The following ATP1A3 variants were observed in gnomAD, a reference collection of about 807,000 sequenced individuals.
The protein encoded by ATP1A3 is sodium/potassium-transporting ATPase subunit alpha-3.
A neutral mutation model predicts 108.8 loss-of-function variants in ATP1A3; 12 were observed. The observed-to-expected ratio is 0.11, with a 90% CI of 0.07 to 0.18. The LOEUF (loss-of-function observed/expected upper bound fraction) is 0.18, where lower values mean the gene tolerates loss of function less well. Among genes scored for constraint, ATP1A3 ranks in the 10% least tolerant of loss-of-function variants. The pLI, the probability that ATP1A3 is intolerant of heterozygous loss-of-function variation, is 1.00. For synonymous variants in ATP1A3, 539 were observed against 564.5 expected (o/e 0.95, Z 0.64); for missense variants, 498 against 1,387.7 (o/e 0.36, Z 10.19).
intron 16 of ATP1A3, 99 bp downstream of exon 16, chr19:41,975,530 T>C (rs1555860737): frequency 2.6e-6 from 4 of 1,532,580 alleles, no homozygotes; most frequent in Non-Finnish European, 1.8e-6. Flanking sequence ...GCCTGTGGTC[T>C]CTGCCACACA....
At chr19:41,973,541 C>A (rs896951042) in intron 16 of ATP1A3, among the ~76,000 whole-genome samples, 17 of 152,146 alleles carry the variant, frequency 1.1e-4, no homozygotes, top group African/African-American at 4.1e-4. Flanking sequence ...CAGGCGTGAG[C>A]CCCCGTGCCT....
Position 41,981,908 on chromosome 19 carries a change from C to T in ATP1A3, c.1192G>A (p.Gly398Arg), listed in dbSNP as rs781808623. 6.2e-7 allele frequency: 1 copy of T among 1,614,232 alleles called. No homozygotes were observed. Among genetic ancestry groups the T allele is most frequent in the Admixed American group, 1.7e-5 (1 of 60,030 alleles). Residue 398 changes from glycine (G) to arginine (R), a missense_variant and splice_region_variant, in exon 9 of 23, where the codon GGG (glycine) becomes AGG (arginine). Around this residue, in one of 9 missense-constraint regions of ATP1A3, gnomAD observed 36 missense variants for 58.7 expected, o/e 0.61. Coordinates refer to ENST00000648268, the MANE Select transcript of ATP1A3 (RefSeq NM_152296.5). This position sits in a 1 kb window ranked among gnomAD's most constrained non-coding sequence, Gnocchi z 5.0. ...HEADTTEDQS[G>R]TSFDKSSHTW... ...GTCCTCACCCGGGGCCTGCGCTCAC[C>T]TGACTGGTCCTCAGTGGTGTCAGCC... is the stretch of plus-strand genomic sequence containing the variant.
At chr19:41,993,434 C>T (rs1481850925) in intron 1 of ATP1A3, 2 of 1,535,418 alleles carry the variant, frequency 1.3e-6, no homozygotes, top group Admixed American at 2.0e-5. Context: ...CCTCCCATGC[C>T]TGCTCCCCTA....
chr19:41,970,604 T>C (rs1264224216), intron 16 of ATP1A3, 62 bp from the exon 17 acceptor site: 5 of 1,164,936 alleles, frequency 4.3e-6, no homozygotes, highest in Non-Finnish European at 1.3e-6. Flanking sequence ...CCTCTGCCCC[T>C]CCTCTGCCCT....
Position 41,967,477 on chromosome 19 carries a change from T to G in ATP1A3, c.2922-137A>C. 1 of 1,201,738 alleles carries G rather than the reference T, an allele frequency of 8.3e-7. No homozygotes were observed. The highest frequency in any genetic ancestry group is 1.6e-5 in the African/African-American group (1 of 64,332). 74.4% of individuals were successfully genotyped at this position (1,201,738 alleles called of 1,614,324 possible). ...AGGTGGAGGGTGCCCTGGGCGGGGC[T>G]GGGGCCTGGGGTCTTCGGAGTAATC... On this transcript the variant is annotated intron_variant, in intron 21 of 22. Transcript: ENST00000648268. The surrounding 1 kb of genome is among the most constrained non-coding windows in gnomAD (Gnocchi z 4.2).
At chr19:41,974,088 T>A (rs1176786460) in intron 16 of ATP1A3, among the ~76,000 whole-genome samples, 1 of 151,888 alleles carries the variant, frequency 6.6e-6, no homozygotes, top group Admixed American at 6.6e-5. Context: ...AAAATTAGCC[T>A]GGTGTGGTGG....
Position 41,988,688 on chromosome 19 carries a change from G to T in ATP1A3, c.7-126C>A. ...CCGGTGCCCCTGCATCTCTGGGTGG[G>T]GGGTCTCTGTCTGCCTCTCGGGGTC... is the stretch of plus-strand genomic sequence containing the variant. On this transcript the variant is annotated intron_variant, in intron 1 of 22. Transcript: ENST00000648268. This position sits in a 1 kb window ranked among gnomAD's most constrained non-coding sequence, Gnocchi z 5.3. 1.3e-6 allele frequency: 2 copies of T among 1,577,730 alleles called. No homozygotes were observed. Among genetic ancestry groups the T allele is most frequent in the Non-Finnish European group, 1.7e-6 (2 of 1,165,044 alleles).
At chr19:41,990,729 C>T (rs887516066) in intron 1 of ATP1A3, among the ~76,000 whole-genome samples, 8 of 150,956 alleles carry the variant, frequency 5.3e-5, no homozygotes, top group African/African-American at 1.2e-4. Context: ...CTCTCTCTTT[C>T]GCTGTCTGTC....
intron 4 of ATP1A3, 64 bp from the exon 5 acceptor site, chr19:41,986,293 C>T (rs988981086): frequency 1.8e-5 from 27 of 1,524,338 alleles, no homozygotes; most frequent in South Asian, 4.5e-5. Flanking sequence ...AGTCCCTGCT[C>T]GCCTGGAGTC....
In ATP1A3 at chr19:41,967,624, G is replaced by A. The variant is rs369590943; in HGVS notation, c.2921+38C>T. On this transcript the variant is annotated intron_variant, in intron 21 of 22. Coordinates refer to ENST00000648268, the MANE Select transcript of ATP1A3 (RefSeq NM_152296.5). The surrounding 1 kb of genome is among the most constrained non-coding windows in gnomAD (Gnocchi z 4.2). Reference sequence around the variant, plus strand: ...TCTAAGGGAAGGCTCCATGGCAGGCGCTGGTGTGGGCAGGGCTGGGGGCAG... The same window carrying A: ...TCTAAGGGAAGGCTCCATGGCAGGCACTGGTGTGGGCAGGGCTGGGGGCAG... The A allele has an allele frequency of 5.6e-5, 90 of 1,600,502 alleles. 1 individual carries two copies. In the South Asian group the frequency reaches 7.2e-4, roughly 13 times the overall value.
chr19:41,982,698 A>G (rs1555863973), intron 8 of ATP1A3, among the ~76,000 whole-genome samples: 1 of 152,206 alleles, frequency 6.6e-6, no homozygotes, highest in African/African-American at 2.4e-5. Context: ...TAAATTGTGG[A>G]CAATGGAATA....
chr19:41,976,677 G>C, intron 14 of ATP1A3, 111 bp from the exon 15 acceptor site: 1 of 1,486,688 alleles, frequency 6.7e-7, no homozygotes, highest in Admixed American at 1.9e-5. Context: ...AGGAGAGCCA[G>C]AGGACCAGGG....
intron 16 of ATP1A3, among the ~76,000 whole-genome samples, chr19:41,973,956 C>T (rs554275925): frequency 2.6e-5 from 4 of 152,204 alleles, no homozygotes; most frequent in East Asian, 3.9e-4. Flanking sequence ...CCTCGCTGGG[C>T]GAGGTGGCTC....
intron 8 of ATP1A3, among the ~76,000 whole-genome samples, 162 bp from the exon 9 acceptor site, chr19:41,982,268 A>T (rs2075241136): frequency 6.6e-6 from 1 of 152,184 alleles, no homozygotes; most frequent in Non-Finnish European, 1.5e-5. Context: ...AATTCAGACC[A>T]ATAGAAACAG....
chr19:41,979,235 T>C (rs2075204964), intron 11 of ATP1A3, among the ~76,000 whole-genome samples: 1 of 151,906 alleles, frequency 6.6e-6, no homozygotes, highest in African/African-American at 2.4e-5. Flanking sequence ...ACTCCTGGCC[T>C]CAAGTGATCT....
Sources: allele counts gnomAD v4.1 joint callset (sites outside exome capture counted in the v4.1 genomes callset), GRCh38; gene constraint gnomAD v4.1.1; regional missense constraint gnomAD v4.1.1; non-coding constraint Gnocchi (gnomAD v3.1); transcripts MANE v1.5; gene names NCBI Gene and HGNC (gene_info 2026-07-23, HGNC 2026-07-21).